Variants in TCAP observed in about 807,000 individuals in gnomAD.
TCAP encodes titin-cap.
In TCAP, 14 loss-of-function variants were observed where a neutral mutation model predicts 16.6. The ratio of observed to expected loss-of-function variants is 0.84; its 90% CI spans 0.56 to 1.32. The LOEUF is 1.32. Among genes scored for constraint, TCAP ranks in the 40% most tolerant of loss-of-function variants. The pLI, the probability that TCAP is intolerant of heterozygous loss-of-function variation, is 0.00. For missense variants in TCAP, 212 were observed against 223.5 expected (o/e 0.95, Z 0.33); for synonymous variants, 97 against 93.2 (o/e 1.04, Z -0.23).
At position 39,665,890 on chromosome 17, in the gene TCAP, C is replaced by T. The variant is rs768889521; in HGVS notation, c.285C>T (p.Thr95=). ...GGGTACTGCCGCTGCCCATCTTCAC[C>T]CCTGCCAAGATGGGCGCCACCAAGG... is the stretch of plus-strand genomic sequence containing the variant. ...YQRVLPLPIF[T]PAKMGATKEE... The change falls in exon 2 of 2, where the codon ACC becomes ACT. Residue 95 remains threonine (T), a synonymous_variant. Coordinates refer to ENST00000309889, the MANE Select transcript of TCAP (RefSeq NM_003673.4). 1.2e-6 allele frequency: 2 copies of T among 1,612,450 alleles called. No individual in the cohort carries two copies. The highest frequency in any genetic ancestry group is 1.1e-5 in the South Asian group (1 of 91,022).
intron 1 of TCAP, 25 bp from the exon 2 acceptor site, chr17:39,665,691 C>G (rs779822505): frequency 1.2e-6 from 2 of 1,600,766 alleles, no homozygotes; most frequent in South Asian, 1.1e-5. Flanking sequence ...CTCCCAGGAG[C>G]TCACTGCCCC....
At position 39,665,790 on chromosome 17, in the gene TCAP, A is replaced by G; in HGVS notation, c.185A>G (p.Gln62Arg). 2.5e-6 allele frequency: 4 copies of G among 1,608,262 alleles called. No individual in the cohort carries two copies. Among genetic ancestry groups the G allele is most frequent in the Non-Finnish European group, 3.4e-6 (4 of 1,177,654 alleles). The change falls in exon 2 of 2, where the codon CAG (glutamine) becomes CGG (arginine). Residue 62 changes from glutamine (Q) to arginine (R), a missense_variant. Transcript: ENST00000309889. ...CAGGGGCAGTGCCAGGTGCTGGTGC[A>G]GCGCTCGCCCTGGCTGATGATGCGG... The part of the protein sequence containing the change: ...HQQGQCQVLV[Q>R]RSPWLMMRMG...
rs1243491125 is a variant in TCAP at position 39,665,980 on chromosome 17, C to G, written c.375C>G (p.Gly125=). ...ELLALETALG[G]QCVDRQEVAE... ...TGGCGCTGGAGACAGCCCTGGGTGG[C>G]CAGTGTGTGGACCGCCAGGAGGTGG... The change falls in exon 2 of 2, where the codon GGC becomes GGG. Residue 125 remains glycine, a synonymous_variant. Coordinates refer to ENST00000309889, the MANE Select transcript of TCAP (RefSeq NM_003673.4). The G allele has an allele frequency of 6.2e-7, 1 of 1,612,812 alleles. No homozygotes were observed. Among genetic ancestry groups the G allele is most frequent in the Admixed American group, 1.7e-5 (1 of 60,024 alleles).
chr17:39,665,532 G>A, intron 1 of TCAP, 63 bp downstream of exon 1: 2 of 1,543,068 alleles, frequency 1.3e-6, no homozygotes, highest in Non-Finnish European at 1.8e-6. Context: ...TGAGCCATGA[G>A]GCCAGAGCAT....
rs146502276 is a variant in TCAP at position 39,665,419 on chromosome 17, C to G, written c.60C>G (p.Ala20=). The part of the protein sequence containing the change: ...VSEENCERRE[A]FWAEWKDLTL... ...AGGAGAACTGTGAGCGCCGGGAGGC[C>G]TTCTGGGCAGAATGGAAGGATCTGA... Residue 20 remains alanine (A), a synonymous_variant, in exon 1 of 2, where the codon GCC becomes GCG. Coordinates refer to ENST00000309889, the MANE Select transcript of TCAP (RefSeq NM_003673.4). 408 of 1,613,608 alleles carry G rather than the reference C, an allele frequency of 2.5e-4. No individual in the cohort carries two copies. Among genetic ancestry groups the G allele is most frequent in the Non-Finnish European group, 3.3e-4 (389 of 1,179,954 alleles).
chr17:39,665,845 G>A lies in TCAP; in HGVS notation c.240G>A (p.Glu80=), dbSNP rs758101613. 3 of 1,609,812 alleles carry A rather than the reference G, an allele frequency of 1.9e-6. No individual in the cohort carries two copies. The highest frequency in any genetic ancestry group is 2.2e-5 in the South Asian group (2 of 90,666). Residue 80 remains glutamate, a synonymous_variant, in exon 2 of 2, where the codon GAG becomes GAA. Coordinates refer to ENST00000309889, the MANE Select transcript of TCAP (RefSeq NM_003673.4). Reference sequence around the variant, plus strand: ...GCATCCTCGGCCGTGGGCTGCAGGAGTACCAGCTGCCCTACCAGCGGGTAC... The same window carrying A: ...GCATCCTCGGCCGTGGGCTGCAGGAATACCAGCTGCCCTACCAGCGGGTAC... ...RMGILGRGLQ[E]YQLPYQRVLP...
rs1314875137 is a variant in TCAP at position 39,665,995 on chromosome 17, C to G, written c.390C>G (p.Arg130=). 1 of 1,612,442 alleles carries G rather than the reference C, an allele frequency of 6.2e-7. No homozygotes were observed. The highest frequency in any genetic ancestry group is 2.2e-5 in the East Asian group (1 of 44,894). ...CCCTGGGTGGCCAGTGTGTGGACCG[C>G]CAGGAGGTGGCTGAGATCACAAAGC... ...ETALGGQCVD[R]QEVAEITKQL... The change falls in exon 2 of 2, where the codon CGC becomes CGG. Residue 130 remains arginine, a synonymous_variant. Transcript: ENST00000309889.
In TCAP at chr17:39,666,140, C is replaced by G. The variant is rs1284493178; in HGVS notation, c.*31C>G. ...ACTGTGACTTGGGCTCCGCTGTGCC[C>G]GCCCTGGGCTGGGCCCTTCCTGGCT... is the stretch of plus-strand genomic sequence containing the variant. On this transcript the variant is annotated 3_prime_UTR_variant, in exon 2 of 2. Coordinates refer to ENST00000309889, the MANE Select transcript of TCAP (RefSeq NM_003673.4). 6.3e-7 allele frequency: 1 copy of G among 1,598,506 alleles called. No individual in the cohort carries two copies. Among genetic ancestry groups the G allele is most frequent in the Middle Eastern group, 1.7e-4 (1 of 6,034 alleles).
chr17:39,665,831 C>T lies in TCAP; in HGVS notation c.226C>T (p.Arg76Cys), dbSNP rs572836774. ...GATGATGCGGATGGGCATCCTCGGCCGTGGGCTGCAGGAGTACCAGCTGCC... is the reference window on the plus strand; with the variant it reads ...GATGATGCGGATGGGCATCCTCGGCTGTGGGCTGCAGGAGTACCAGCTGCC... ...WLMMRMGILG[R>C]GLQEYQLPYQ... The change falls in exon 2 of 2, where the codon CGT (arginine) becomes TGT (cysteine). Residue 76 changes from arginine to cysteine, a missense_variant. By Grantham distance (180) the Arg-to-Cys change is radical. Transcript: ENST00000309889. 79 of 1,607,978 alleles carry T rather than the reference C, an allele frequency of 4.9e-5. No homozygotes were observed. Among genetic ancestry groups the T allele is most frequent in the Admixed American group, 6.7e-5 (4 of 59,326 alleles).
Position 39,665,756 on chromosome 17 carries a change from T to C in TCAP, c.151T>C (p.Tyr51His), listed in dbSNP as rs750429579. Residue 51 changes from tyrosine (Y) to histidine (H), a missense_variant, in exon 2 of 2, where the codon TAC becomes CAC. By Grantham distance (83) the Tyr-to-His change is moderately conservative. Coordinates refer to ENST00000309889, the MANE Select transcript of TCAP (RefSeq NM_003673.4). The stretch of plus-strand genomic sequence containing the variant: ...GGAGGACACCCAGAGACATGAGACC[T>C]ACCACCAGCAGGGGCAGTGCCAGGT... Reference protein sequence around the residue: ...HEEDTQRHETYHQQGQCQVLV... With the variant: ...HEEDTQRHETHHQQGQCQVLV... 6.2e-7 allele frequency: 1 copy of C among 1,610,754 alleles called. No individual in the cohort carries two copies. Among genetic ancestry groups the C allele is most frequent in the Non-Finnish European group, 8.5e-7 (1 of 1,179,010 alleles).
In TCAP at chr17:39,666,465, G is replaced by C; in HGVS notation, c.*356G>C. On this transcript the variant is annotated 3_prime_UTR_variant, in exon 2 of 2. Coordinates refer to ENST00000309889, the MANE Select transcript of TCAP (RefSeq NM_003673.4). Reference sequence around the variant, plus strand: ...GCTCTAGGCAGAAGAAGCTGGGAGGGAGGGGGAGGTGAAAAGGGCAGAGGC... The same window carrying C: ...GCTCTAGGCAGAAGAAGCTGGGAGGCAGGGGGAGGTGAAAAGGGCAGAGGC... 1 of 364,488 alleles carries C rather than the reference G, an allele frequency of 2.7e-6. No individual in the cohort carries two copies. The highest frequency in any genetic ancestry group is 5.2e-6 in the Non-Finnish European group (1 of 192,336). 22.6% of individuals were successfully genotyped at this position (364,488 alleles called of 1,614,324 possible).
chr17:39,666,341 C>T lies in TCAP; in HGVS notation c.*232C>T. On this transcript the variant is annotated 3_prime_UTR_variant, in exon 2 of 2. Coordinates refer to ENST00000309889, the MANE Select transcript of TCAP (RefSeq NM_003673.4). ...AGTTGGGGGCCAGCACAGCTGAGGA[C>T]CCTCAGCCCCAGGAGAAGGGACAAA... 3.3e-6 allele frequency: 2 copies of T among 612,094 alleles called. No individual in the cohort carries two copies. The highest frequency in any genetic ancestry group is 2.8e-5 in the East Asian group (1 of 35,920). The allele number at this position is 612,094 out of a possible 1,614,324, so 37.9% of individuals were successfully genotyped here. A position where few individuals can be genotyped will look rare whatever the true frequency, so the allele number is the denominator to read the frequency against.
rs886038534 is a variant in TCAP, at chr17:39,665,954, C to T, written c.349C>T (p.Leu117=). 5 of 1,613,032 alleles carry T rather than the reference C, an allele frequency of 3.1e-6. No individual in the cohort carries two copies. The highest frequency in any genetic ancestry group is 2.2e-5 in the South Asian group (2 of 91,086). The change falls in exon 2 of 2, where the codon CTG becomes TTG. Residue 117 remains leucine, a synonymous_variant. Coordinates refer to ENST00000309889, the MANE Select transcript of TCAP (RefSeq NM_003673.4). The stretch of plus-strand genomic sequence containing the variant: ...CACCCCCATCCAGCTTCAGGAGCTG[C>T]TGGCGCTGGAGACAGCCCTGGGTGG... The part of the protein sequence containing the change: ...EDTPIQLQEL[L]ALETALGGQC...
intron 1 of TCAP, 27 bp downstream of exon 1, chr17:39,665,496 C>T (rs772728707): frequency 6.3e-7 from 1 of 1,597,856 alleles, no homozygotes; most frequent in Non-Finnish European, 8.6e-7. Flanking sequence ...TAGAGCCCTG[C>T]CTCTGCTCCC....
Position 39,666,227 on chromosome 17 carries a change from A to C in TCAP, c.*118A>C. 3 of 1,032,872 alleles carry C rather than the reference A, an allele frequency of 2.9e-6. No homozygotes were observed. The highest frequency in any genetic ancestry group is 4.3e-6 in the Non-Finnish European group (3 of 694,370). The allele number at this position is 1,032,872 out of a possible 1,614,324, so 64.0% of individuals were successfully genotyped here. On this transcript the variant is annotated 3_prime_UTR_variant, in exon 2 of 2. Transcript: ENST00000309889. Reference sequence around the variant, plus strand: ...TGTAGTTTGCCCAGAGTTGGGGGCTAGGGGAGGGGGGAGCCAGAGGCCAGG... The same window carrying C: ...TGTAGTTTGCCCAGAGTTGGGGGCTCGGGGAGGGGGGAGCCAGAGGCCAGG...
In TCAP at chr17:39,666,063, G is replaced by A. The variant is rs149585781; in HGVS notation, c.458G>A (p.Arg153His). The A allele has an allele frequency of 2.0e-4, 325 of 1,603,976 alleles. No individual in the cohort carries two copies. Among genetic ancestry groups the A allele is most frequent in the East Asian group, 1.1e-3 (48 of 44,878 alleles). ...VVPVSKPGAL[R>H]RSLSRSMSQE... is the part of the protein sequence containing the mutation. ...CCTGTCAGCAAGCCCGGTGCACTTC[G>A]TCGCTCCCTGTCCCGCTCCATGTCC... Residue 153 changes from arginine (R) to histidine (H), a missense_variant, in exon 2 of 2, where the codon CGT becomes CAT. Coordinates refer to ENST00000309889, the MANE Select transcript of TCAP (RefSeq NM_003673.4).
Position 39,665,383 on chromosome 17 carries a change from C to G in TCAP, c.24C>G (p.Cys8Trp), listed in dbSNP as rs756548785. MATSELS[C>W]EVSEENCERR... ...TCATGGCTACCTCAGAGCTGAGCTG[C>G]GAGGTGTCGGAGGAGAACTGTGAGC... The change falls in exon 1 of 2, where the codon TGC becomes TGG. Residue 8 changes from cysteine to tryptophan, a missense_variant. Transcript: ENST00000309889. 6.2e-7 allele frequency: 1 copy of G among 1,613,618 alleles called. No homozygotes were observed. The highest frequency in any genetic ancestry group is 1.1e-5 in the South Asian group (1 of 91,072).
At chr17:39,665,639 C>A in intron 1 of TCAP, 77 bp from the exon 2 acceptor site, 1 of 1,514,934 alleles carries the variant, frequency 6.6e-7, no homozygotes. Flanking sequence ...TCCCAGCAGC[C>A]CAGGGGAGCC....
In TCAP at chr17:39,665,752, GACCT is replaced by G. The variant is rs2057250066; in HGVS notation, c.151_154del (p.Tyr51ThrfsTer16). 6.2e-7 allele frequency: 1 copy of G among 1,610,844 alleles called. No individual in the cohort carries two copies. Among genetic ancestry groups the G allele is most frequent in the African/African-American group, 1.3e-5 (1 of 74,868 alleles). On this transcript the variant is annotated frameshift_variant, in exon 2 of 2. Transcript: ENST00000309889. LOFTEE classifies it high-confidence loss of function. ...ATGAGGAGGACACCCAGAGACATGA[GACCT>G]ACCACCAGCAGGGGCAGTGCCAGGT...
Sources: gnomAD v4.1 joint callset for allele counts on GRCh38, gnomAD v4.1.1 for gene constraint, MANE v1.5 for transcripts, NCBI Gene and HGNC (gene_info 2026-07-23, HGNC 2026-07-21) for gene names.